The following DPYD variants were observed in gnomAD, a reference collection of about 807,000 sequenced individuals.
DPYD encodes dihydropyrimidine dehydrogenase.
A neutral mutation model predicts 116.2 loss-of-function variants in DPYD; 109 were observed. The ratio of observed to expected loss-of-function variants is 0.94; its 90% confidence interval spans 0.80 to 1.10. The LOEUF is 1.10. Among genes scored for constraint, DPYD ranks in the 50% least tolerant of loss-of-function variants. The pLI is 0.00. For missense variants in DPYD, 1,302 were observed against 1,254.5 expected (o/e 1.04, Z -0.57); for synonymous variants, 440 against 432.0 (o/e 1.02, Z -0.23).
chr1:97,172,168 T>TA (rs1459625370), intron 20 of DPYD, among the ~76,000 whole-genome samples: 1 of 152,184 alleles, frequency 6.6e-6, no homozygotes. Context: ...GTGATGGTGT[T>TA]ATCTTTCTTC....
chr1:97,722,806 T>C (rs1662998719), intron 4 of DPYD, among the ~76,000 whole-genome samples: 1 of 151,572 alleles, frequency 6.6e-6, no homozygotes, highest in South Asian at 2.1e-4. Context: ...TTTTATTTAC[T>C]CTTAGCACCA....
At chr1:97,538,872 T>C (rs891598586) in intron 12 of DPYD, among the ~76,000 whole-genome samples, 35 of 152,178 alleles carry the variant, frequency 2.3e-4, no homozygotes, top group Non-Finnish European at 4.6e-4. Context: ...CCTCACAAGT[T>C]AGTTTCAGAG....
At chr1:97,168,661 T>A (rs1656494828) in intron 20 of DPYD, among the ~76,000 whole-genome samples, 1 of 152,142 alleles carries the variant, frequency 6.6e-6, no homozygotes, top group African/African-American at 2.4e-5. Flanking sequence ...ACTGCTACTT[T>A]TCCTTATTTA....
intron 20 of DPYD, among the ~76,000 whole-genome samples, chr1:97,143,133 T>A (rs1654352346): frequency 6.6e-6 from 1 of 152,074 alleles, no homozygotes; most frequent in Non-Finnish European, 1.5e-5. Context: ...TTCTTGTTTT[T>A]TTAACTTAAT....
chr1:97,095,624 G>T (rs1036470290), intron 21 of DPYD, among the ~76,000 whole-genome samples: 2 of 151,280 alleles, frequency 1.3e-5, no homozygotes, highest in Non-Finnish European at 2.9e-5. Context: ...TTCTGTGTGT[G>T]TATGTATATG....
intron 3 of DPYD, among the ~76,000 whole-genome samples, chr1:97,800,153 C>T (rs1667776956): frequency 6.6e-6 from 1 of 151,848 alleles, no homozygotes; most frequent in Non-Finnish European, 1.5e-5. Flanking sequence ...ATACCTACTT[C>T]ATAGGAGTGT....
chr1:97,337,524 A>G (rs1669361929), intron 16 of DPYD, among the ~76,000 whole-genome samples: 1 of 152,144 alleles, frequency 6.6e-6, no homozygotes, highest in South Asian at 2.1e-4. Flanking sequence ...AGGCCTCCTA[A>G]GACAGCCCTC....
intron 3 of DPYD, among the ~76,000 whole-genome samples, chr1:97,822,984 A>C (rs1372711036): frequency 2.0e-5 from 3 of 152,200 alleles, no homozygotes; most frequent in Non-Finnish European, 4.4e-5. Context: ...CCCCATTTGC[A>C]TAAGTTTTTT....
chr1:97,492,312 T>C lies in DPYD; in HGVS notation c.1740+23414A>G, dbSNP rs143698503. Among the ~76,000 whole-genome samples the C allele has an allele frequency of 3.1e-3, 470 of 152,248 alleles. 2 individuals carry two copies. Among genetic ancestry groups the C allele is most frequent in the Middle Eastern group, 6.8e-3 (2 of 294 alleles). ...CGAATAGCAAACTACCTGCACAGCA[T>C]ACACACAGCAGTCAGTAATCCTGGT... On this transcript the variant is annotated intron_variant, in intron 13 of 22. Coordinates refer to ENST00000370192, the MANE Select transcript of DPYD (RefSeq NM_000110.4).
chr1:97,213,247 C>A (rs74104313), intron 19 of DPYD, among the ~76,000 whole-genome samples: 3,201 of 152,186 alleles, frequency 0.021, 124 homozygotes, highest in African/African-American at 0.073. Context: ...CAATCTATAA[C>A]AATAACTATC....
chr1:97,611,818 TA>T, intron 8 of DPYD, among the ~76,000 whole-genome samples: 1 of 152,174 alleles, frequency 6.6e-6, no homozygotes, highest in East Asian at 1.9e-4. Flanking sequence ...TTAAATGAGA[TA>T]ATATAAGCAA....
chr1:97,867,654 AT>A (rs758804231), intron 2 of DPYD, among the ~76,000 whole-genome samples: 4 of 151,812 alleles, frequency 2.6e-5, no homozygotes, highest in Non-Finnish European at 4.4e-5. Context: ...AGGAAAAAAC[AT>A]TGGACAAAAC....
chr1:97,406,245 A>G (rs553471484), intron 14 of DPYD, among the ~76,000 whole-genome samples: 1 of 149,602 alleles, frequency 6.7e-6, no homozygotes, highest in African/African-American at 2.4e-5. Context: ...CTTACAATCT[A>G]AGAAGAGCTG....
At chr1:97,712,772 T>A (rs1345703740) in intron 5 of DPYD, among the ~76,000 whole-genome samples, 1 of 152,100 alleles carries the variant, frequency 6.6e-6, no homozygotes, top group East Asian at 1.9e-4. Flanking sequence ...CAAATCACTG[T>A]ACCATAGACA....
At position 97,147,173 on chromosome 1, in the gene DPYD, C is replaced by T. The variant is rs997808989; in HGVS notation, c.2622+45896G>A. 5.3e-5 allele frequency among the ~76,000 whole-genome samples: 8 copies of T among 152,246 alleles called. No individual in the cohort carries two copies. The South Asian group carries it at 6.2e-4, about 12-fold the overall frequency. On this transcript the variant is annotated intron_variant, in intron 20 of 22. Coordinates refer to ENST00000370192, the MANE Select transcript of DPYD (RefSeq NM_000110.4). ...GACCATCCTGGCCAACATGGTGAAA[C>T]GCTGTCTCTTCTGAAACTACAAAAA...
At chr1:97,760,853 G>T (rs964486410) in intron 3 of DPYD, among the ~76,000 whole-genome samples, 2 of 152,084 alleles carry the variant, frequency 1.3e-5, no homozygotes, top group African/African-American at 4.8e-5. Context: ...GCCTCAGGTG[G>T]GGGACTGTAG....
chr1:97,527,444 T>C (rs1251923927), intron 12 of DPYD, among the ~76,000 whole-genome samples: 1 of 152,066 alleles, frequency 6.6e-6, no homozygotes, highest in Non-Finnish European at 1.5e-5. Context: ...GAAACTAACC[T>C]AAAAAGTTAT....
At chr1:97,440,816 T>C (rs1675745934) in intron 14 of DPYD, among the ~76,000 whole-genome samples, 1 of 152,250 alleles carries the variant, frequency 6.6e-6, no homozygotes, top group Non-Finnish European at 1.5e-5. Context: ...TTCCATTGTG[T>C]AGAACCACAG....
intron 20 of DPYD, among the ~76,000 whole-genome samples, chr1:97,186,748 C>T (rs1658017560): frequency 1.3e-5 from 2 of 152,106 alleles, no homozygotes; most frequent in African/African-American, 2.4e-5. Context: ...ACTGGGGAGG[C>T]TCAGCCATGA....
Sources: gnomAD v4.1 joint callset for allele counts (sites outside exome capture counted in the v4.1 genomes callset) on GRCh38, gnomAD v4.1.1 for gene constraint, MANE v1.5 for transcripts, NCBI Gene and HGNC (gene_info 2026-07-23, HGNC 2026-07-21) for gene names.